CLMN: variants seen among roughly 807,000 people sequenced by gnomAD.
CLMN encodes calmin (calponin-like, transmembrane).
In CLMN, 57 loss-of-function variants were observed where a neutral mutation model predicts 92.7. That is an observed-to-expected ratio of 0.61 (90% CI 0.50 to 0.77). The LOEUF (loss-of-function observed/expected upper bound fraction) is 0.77, where lower values mean the gene tolerates loss of function less well. Ranked by LOEUF, CLMN falls within the 30% of genes least tolerant of loss-of-function variation. CLMN has a pLI of 0.00. For missense variants in CLMN, 1,158 were observed against 1,237.5 expected (o/e 0.94, Z 0.96); for synonymous variants, 466 against 470.6 (o/e 0.99, Z 0.13).
At chr14:95,249,655 G>A (rs1032007261) in intron 1 of CLMN, among the ~76,000 whole-genome samples, 12 of 151,630 alleles carry the variant, frequency 7.9e-5, no homozygotes, top group Non-Finnish European at 1.8e-4. Flanking sequence ...GCAGTGGTGC[G>A]ATCTCAGCTC....
At chr14:95,246,764 G>C (rs1244279433) in intron 1 of CLMN, among the ~76,000 whole-genome samples, 1 of 152,190 alleles carries the variant, frequency 6.6e-6, no homozygotes, top group African/African-American at 2.4e-5. Context: ...ACGGCACCTG[G>C]CCACAAACTG....
At chr14:95,209,820 G>GGCAGGC (rs1897144621) in intron 7 of CLMN, among the ~76,000 whole-genome samples, 1 of 152,198 alleles carries the variant, frequency 6.6e-6, no homozygotes, top group African/African-American at 2.4e-5. Context: ...GGTATACGGA[G>GGCAGGC]TCCTACGTTA....
chr14:95,304,809 C>T (rs1901208914), intron 1 of CLMN, among the ~76,000 whole-genome samples: 1 of 152,100 alleles, frequency 6.6e-6, no homozygotes, highest in Non-Finnish European at 1.5e-5. Flanking sequence ...CCCCAGCAGC[C>T]TGGTCTGACC....
chr14:95,258,162 T>G (rs1899081075), intron 1 of CLMN, among the ~76,000 whole-genome samples: 1 of 151,590 alleles, frequency 6.6e-6, no homozygotes, highest in Non-Finnish European at 1.5e-5. Context: ...CGTGTAGTGT[T>G]GTGTATATGT....
intron 2 of CLMN, 27 bp downstream of exon 2, chr14:95,230,045 T>C: frequency 6.2e-7 from 1 of 1,610,150 alleles, no homozygotes; most frequent in Non-Finnish European, 8.5e-7. Context: ...AATCTATCAC[T>C]TAGCAAACAC....
At chr14:95,292,416 G>C (rs973005801) in intron 1 of CLMN, among the ~76,000 whole-genome samples, 1 of 129,672 alleles carries the variant, frequency 7.7e-6, no homozygotes, top group African/African-American at 2.8e-5. Flanking sequence ...AATGAGATCT[G>C]CCCCCCAAGG....
intron 1 of CLMN, among the ~76,000 whole-genome samples, chr14:95,271,444 G>A (rs774690033): frequency 6.6e-6 from 1 of 152,264 alleles, no homozygotes. Context: ...CAAAGGCCCT[G>A]GGGTCCCCTC....
intron 1 of CLMN, among the ~76,000 whole-genome samples, chr14:95,284,380 C>A (rs1181758991): frequency 6.6e-6 from 1 of 152,224 alleles, no homozygotes; most frequent in African/African-American, 2.4e-5. Flanking sequence ...AGAGTCCCTA[C>A]TGGGGCACTG....
intron 7 of CLMN, 24 bp downstream of exon 7, chr14:95,210,662 A>G (rs1280225047): frequency 1.9e-6 from 3 of 1,592,494 alleles, no homozygotes; most frequent in African/African-American, 1.4e-5. Context: ...AAATTATTAG[A>G]AAGAAAGAGA....
At chr14:95,261,937 C>T (rs1899273259) in intron 1 of CLMN, among the ~76,000 whole-genome samples, 1 of 152,218 alleles carries the variant, frequency 6.6e-6, no homozygotes, top group African/African-American at 2.4e-5. Flanking sequence ...AGCTTTGTCC[C>T]CCAGATGCCT....
chr14:95,203,757 T>A lies in CLMN; in HGVS notation c.1592A>T (p.Asn531Ile). Residue 531 changes from asparagine to isoleucine, a missense_variant, in exon 9 of 13, where the codon AAT becomes ATT. Coordinates refer to ENST00000298912, the MANE Select transcript of CLMN (RefSeq NM_024734.4). ...CTGGAAGGAATCGGCCATCACAGTATTTTCTCCTGGGGGTGAAAGAGAGTG... is the reference window on the plus strand; with the variant it reads ...CTGGAAGGAATCGGCCATCACAGTAATTTCTCCTGGGGGTGAAAGAGAGTG... ...ESHSLSPPGE[N>I]TVMADSFQIK... is the part of the protein sequence containing the mutation. 1 of 1,614,124 alleles carries A rather than the reference T, an allele frequency of 6.2e-7. No homozygotes were observed. Among genetic ancestry groups the A allele is most frequent in the Non-Finnish European group, 8.5e-7 (1 of 1,180,004 alleles).
chr14:95,299,563 A>T lies in CLMN; in HGVS notation c.82+20148T>A, dbSNP rs557361090. ...ACTCACAATGCAGTGGGGAGACAGC[A>T]ACCTGTCCACGCCCACTAGGAAGTA... On this transcript the variant is annotated intron_variant, in intron 1 of 12. Transcript: ENST00000298912. Among the ~76,000 whole-genome samples the T allele has an allele frequency of 2.6e-5, 4 of 152,304 alleles. No homozygotes were observed. The East Asian group carries it at 7.7e-4, about 29-fold the overall frequency.
rs1194916313 is a variant in CLMN, at chr14:95,194,391, T to C, written c.2769+145A>G. On this transcript the variant is annotated intron_variant, in intron 11 of 12. Coordinates refer to ENST00000298912, the MANE Select transcript of CLMN (RefSeq NM_024734.4). The surrounding 1 kb of genome is among the most constrained non-coding windows in gnomAD (Gnocchi z 4.0). ...TATCCGATCGGACTGTGCTTAATGATAAGGTTCCAATCTGCTTGTCTTCTA... is the reference window on the plus strand; with the variant it reads ...TATCCGATCGGACTGTGCTTAATGACAAGGTTCCAATCTGCTTGTCTTCTA... 15 of 1,505,784 alleles carry C rather than the reference T, an allele frequency of 1.0e-5. No homozygotes were observed. The highest frequency in any genetic ancestry group is 1.3e-5 in the South Asian group (1 of 75,310). 93.3% of individuals were successfully genotyped at this position (1,505,784 alleles called of 1,614,324 possible).
chr14:95,215,563 T>C, intron 5 of CLMN, 78 bp downstream of exon 5: 1 of 1,248,446 alleles, frequency 8.0e-7, no homozygotes, highest in Non-Finnish European at 1.2e-6. Flanking sequence ...CCTCCCTTAA[T>C]CTGGCCCCAC....
chr14:95,233,269 G>A (rs1478226507), intron 1 of CLMN, among the ~76,000 whole-genome samples: 3 of 152,120 alleles, frequency 2.0e-5, no homozygotes, highest in Non-Finnish European at 2.9e-5. Context: ...GTGTAAATGA[G>A]GAGGTGGGTA....
rs914189117 is a variant in CLMN, at chr14:95,182,746, G to A, written c.*8818C>T. On this transcript the variant is annotated 3_prime_UTR_variant, in exon 13 of 13. Transcript: ENST00000298912. ...ATGAGGGATGGGAAGATCTAGTCCTGTACAGCTATTTATTCCTGCAGTTGA... is the reference window on the plus strand; with the variant it reads ...ATGAGGGATGGGAAGATCTAGTCCTATACAGCTATTTATTCCTGCAGTTGA... The A allele has an allele frequency of 6.6e-6, 1 of 150,702 alleles. No individual in the cohort carries two copies. The highest frequency in any genetic ancestry group is 1.9e-4 in the East Asian group (1 of 5,202). The allele number at this position is 150,702 out of a possible 1,614,324, so 9.3% of individuals were successfully genotyped here.
At chr14:95,229,348 T>G (rs916447522) in intron 2 of CLMN, among the ~76,000 whole-genome samples, 2 of 152,202 alleles carry the variant, frequency 1.3e-5, no homozygotes, top group Non-Finnish European at 2.9e-5. Context: ...TCAGCTGCTT[T>G]TGTTTTATGG....
At position 95,190,238 on chromosome 14, in the gene CLMN, T is replaced by C. The variant is rs1217188067; in HGVS notation, c.*1326A>G. On this transcript the variant is annotated 3_prime_UTR_variant, in exon 13 of 13. Coordinates refer to ENST00000298912, the MANE Select transcript of CLMN (RefSeq NM_024734.4). The stretch of plus-strand genomic sequence containing the variant: ...TTTTATCTTTTTCTCAGGACATTGG[T>C]GTGCCCAGTGGAAGTTTCCTACAAG... The C allele has an allele frequency of 1.3e-5, 2 of 152,228 alleles. No homozygotes were observed. Among genetic ancestry groups the C allele is most frequent in the Admixed American group, 6.5e-5 (1 of 15,282 alleles). 9.4% of individuals were successfully genotyped at this position (152,228 alleles called of 1,614,324 possible). A position where few individuals can be genotyped will look rare whatever the true frequency, so the allele number is the denominator to read the frequency against.
At position 95,194,543 on chromosome 14, in the gene CLMN, G is replaced by A. The variant is rs191962411; in HGVS notation, c.2762C>T (p.Ser921Leu). 22 of 1,614,144 alleles carry A rather than the reference G, an allele frequency of 1.4e-5. No homozygotes were observed. Among genetic ancestry groups the A allele is most frequent in the Middle Eastern group, 1.6e-4 (1 of 6,062 alleles). Residue 921 changes from serine to leucine, a missense_variant, in exon 11 of 13, where the codon TCG becomes TTG. Physicochemically the swap from Ser to Leu is moderately radical, Grantham distance 145. Transcript: ENST00000298912. The surrounding 1 kb of genome is among the most constrained non-coding windows in gnomAD (Gnocchi z 4.0). ...AGAAATTCACATACTAACCGATTCC[G>A]AAGACCTATGAGTATGTCGTCGAAG... is the stretch of plus-strand genomic sequence containing the variant. ...IYLRRHTHRS[S>L]ESDHFSYVQL...
Sources: gnomAD v4.1 joint callset for allele counts (sites outside exome capture counted in the v4.1 genomes callset) on GRCh38, gnomAD v4.1.1 for gene constraint, Gnocchi (gnomAD v3.1) non-coding constraint, MANE v1.5 for transcripts, NCBI Gene and HGNC (gene_info 2026-07-23, HGNC 2026-07-21) for gene names.